KCNH8: variants seen among roughly 807,000 people sequenced by gnomAD.
KCNH8 encodes voltage-gated delayed rectifier potassium channel KCNH8.
In KCNH8, 70 loss-of-function variants were observed where a neutral mutation model predicts 103.6. The observed-to-expected ratio is 0.68, with a 90% CI of 0.56 to 0.82. The LOEUF (loss-of-function observed/expected upper bound fraction) is 0.82. KCNH8 is among the 40% of genes least tolerant of loss of function. The pLI is 0.00. For missense variants in KCNH8, 1,217 were observed against 1,329.9 expected (o/e 0.92, Z 1.32); for synonymous variants, 498 against 489.4 (o/e 1.02, Z -0.23).
rs1413061136 is a variant in KCNH8 at position 19,281,442 on chromosome 3, C to T, written c.442+113C>T. 75 of 930,050 alleles carry T rather than the reference C, an allele frequency of 8.1e-5. 1 individual carries two copies. Among genetic ancestry groups the T allele is most frequent in the East Asian group, 2.9e-4 (11 of 37,468 alleles). 57.6% of individuals were successfully genotyped at this position (930,050 alleles called of 1,614,324 possible). A position where few individuals can be genotyped will look rare whatever the true frequency, so the allele number is the denominator to read the frequency against. On this transcript the variant is annotated intron_variant, in intron 3 of 15. Coordinates refer to ENST00000328405, the MANE Select transcript of KCNH8 (RefSeq NM_144633.3). ...TTAATAACAGCAACTGATAAATATT[C>T]GTAACTGTTAGCAGTCAGCATTTGG... is the stretch of plus-strand genomic sequence containing the variant.
At chr3:19,323,176 A>G (rs974371172) in intron 3 of KCNH8, among the ~76,000 whole-genome samples, 28 of 152,262 alleles carry the variant, frequency 1.8e-4, no homozygotes, top group African/African-American at 6.5e-4. Flanking sequence ...TGGGCCGCAC[A>G]CGGTGGCTCA....
intron 5 of KCNH8, among the ~76,000 whole-genome samples, chr3:19,381,199 C>G (rs1208766209): frequency 6.6e-6 from 1 of 152,098 alleles, no homozygotes; most frequent in Non-Finnish European, 1.5e-5. Context: ...ACAAATAAGC[C>G]ATTGGAACAA....
chr3:19,496,861 A>G (rs2068453197), intron 11 of KCNH8, among the ~76,000 whole-genome samples: 2 of 151,934 alleles, frequency 1.3e-5, no homozygotes, highest in Non-Finnish European at 2.9e-5. Flanking sequence ...TTACTGTTTC[A>G]ATTTTGGAAC....
chr3:19,451,055 A>G, intron 9 of KCNH8, 100 bp from the exon 10 acceptor site: 1 of 1,169,518 alleles, frequency 8.6e-7, no homozygotes, highest in Non-Finnish European at 1.2e-6. Flanking sequence ...ATGGCCAAAC[A>G]GCAGGAGACA....
intron 3 of KCNH8, among the ~76,000 whole-genome samples, chr3:19,317,628 TTAAG>T (rs955802249): frequency 2.6e-5 from 4 of 151,862 alleles, no homozygotes; most frequent in Admixed American, 2.0e-4. Flanking sequence ...AGCAGTTGCA[TTAAG>T]TAGGTAGTTG....
intron 3 of KCNH8, among the ~76,000 whole-genome samples, chr3:19,337,901 C>T (rs1000379744): frequency 2.2e-4 from 33 of 151,412 alleles, no homozygotes; most frequent in Non-Finnish European, 3.4e-4. Context: ...GCTCCAGCAC[C>T]GTAGCTTGCT....
chr3:19,472,349 C>T (rs1016824241), intron 11 of KCNH8, among the ~76,000 whole-genome samples: 11 of 151,864 alleles, frequency 7.2e-5, no homozygotes, highest in African/African-American at 2.7e-4. Context: ...GTGTCTCCAC[C>T]CAAATCTCAT....
chr3:19,485,291 C>T (rs2068181983), intron 11 of KCNH8, among the ~76,000 whole-genome samples: 1 of 152,194 alleles, frequency 6.6e-6, no homozygotes, highest in Non-Finnish European at 1.5e-5. Flanking sequence ...CAAGAACCAG[C>T]AAATACTTGT....
At chr3:19,244,514 T>C (rs547161871) in intron 1 of KCNH8, among the ~76,000 whole-genome samples, 1 of 152,190 alleles carries the variant, frequency 6.6e-6, no homozygotes, top group Non-Finnish European at 1.5e-5. Flanking sequence ...TGAATGGTAG[T>C]TCTGTTTTAT....
intron 3 of KCNH8, among the ~76,000 whole-genome samples, chr3:19,284,556 G>GGAGA (rs1477149173): frequency 1.5e-5 from 2 of 134,482 alleles, no homozygotes; most frequent in African/African-American, 2.8e-5. Context: ...TGTGTGTGAG[G>GGAGA]GAGAGAGAGA....
At chr3:19,502,193 T>C in intron 11 of KCNH8, among the ~76,000 whole-genome samples, 4 of 148,220 alleles carry the variant, frequency 2.7e-5, no homozygotes, top group Admixed American at 6.8e-5. Flanking sequence ...GAGAATAAAA[T>C]ACCTAGGAAT....
intron 3 of KCNH8, among the ~76,000 whole-genome samples, chr3:19,284,263 G>A (rs1453733773): frequency 1.3e-5 from 2 of 152,092 alleles, no homozygotes; most frequent in African/African-American, 4.8e-5. Context: ...TTAATACTGA[G>A]GTTCACATGA....
chr3:19,314,523 T>A (rs1413445147), intron 3 of KCNH8, among the ~76,000 whole-genome samples: 2 of 152,012 alleles, frequency 1.3e-5, no homozygotes, highest in Admixed American at 1.3e-4. Flanking sequence ...TGAGCCATGG[T>A]CATGACATTG....
Position 19,433,971 on chromosome 3 carries a change from ATAGTT to A in KCNH8, c.1178-4187_1178-4183del, listed in dbSNP as rs1192372491. ...TCTTAAATTAAAATGTGAAAAATTTATAGTTTAGTTAATAGTAATGTACCAATGTT... is the reference window on the plus strand; with the variant it reads ...TCTTAAATTAAAATGTGAAAAATTTATAGTTAATAGTAATGTACCAATGTT... On this transcript the variant is annotated intron_variant, in intron 7 of 15. Transcript: ENST00000328405. 6.6e-5 allele frequency among the ~76,000 whole-genome samples: 10 copies of A among 152,220 alleles called. No homozygotes were observed. The East Asian group carries it at 1.2e-3, about 18-fold the overall frequency.
chr3:19,161,138 C>T (rs1268993213), intron 1 of KCNH8, among the ~76,000 whole-genome samples: 1 of 152,036 alleles, frequency 6.6e-6, no homozygotes, highest in Non-Finnish European at 1.5e-5. Context: ...AAGTTACAGC[C>T]ACAATGCATG....
chr3:19,422,712 C>G (rs1215258077), intron 7 of KCNH8, among the ~76,000 whole-genome samples: 1 of 152,014 alleles, frequency 6.6e-6, no homozygotes, highest in Non-Finnish European at 1.5e-5. Context: ...TATTAGGTGC[C>G]TCATCCTGAG....
intron 1 of KCNH8, among the ~76,000 whole-genome samples, chr3:19,207,500 A>G (rs529788831): frequency 4.6e-5 from 7 of 152,134 alleles, no homozygotes; most frequent in Admixed American, 1.3e-4. Context: ...AGATTATTCA[A>G]ATAGTCTTTG....
intron 11 of KCNH8, among the ~76,000 whole-genome samples, chr3:19,487,177 C>G (rs6779125): frequency 0.76 from 116,239 of 152,140 alleles, 45,400 homozygotes; most frequent in African/African-American, 0.94. Flanking sequence ...ACTGAGTAGT[C>G]ACACCTGACT....
intron 1 of KCNH8, among the ~76,000 whole-genome samples, chr3:19,188,059 A>G (rs905912404): frequency 2.0e-5 from 3 of 152,122 alleles, no homozygotes; most frequent in African/African-American, 4.8e-5. Context: ...GGATGTAATC[A>G]GCCCACCACA....
Sources: gnomAD v4.1 joint callset for allele counts (sites outside exome capture counted in the v4.1 genomes callset) on GRCh38, gnomAD v4.1.1 for gene constraint, MANE v1.5 for transcripts, NCBI Gene and HGNC (gene_info 2026-07-23, HGNC 2026-07-21) for gene names.